Variants in NLRC5 observed in about 807,000 individuals in gnomAD.
NLRC5 encodes the protein protein NLRC5.
A neutral mutation model predicts 206.9 loss-of-function variants in NLRC5; 114 were observed. The ratio of observed to expected loss-of-function variants is 0.55; its 90% CI spans 0.47 to 0.64. The LOEUF (loss-of-function observed/expected upper bound fraction) is 0.64, where lower values mean the gene tolerates loss of function less well. NLRC5 is among the 30% of genes least tolerant of loss of function. The pLI is 0.00. For synonymous variants in NLRC5, 952 were observed against 962.8 expected, an observed-to-expected ratio of 0.99 and a Z score of 0.21; for missense variants, 2,008 against 2,305.5, an observed-to-expected ratio of 0.87 and a Z score of 2.64.
chr16:57,056,568 C>T (rs1348609129), intron 27 of NLRC5, among the ~76,000 whole-genome samples: 2 of 152,186 alleles, frequency 1.3e-5, no homozygotes, highest in Non-Finnish European at 2.9e-5. Context: ...CAGGCATGAG[C>T]CGCTGTGCTT....
At position 57,022,379 on chromosome 16, in the gene NLRC5, C is replaced by T; in HGVS notation, c.355+64C>T. 6 of 1,401,690 alleles carry T rather than the reference C, an allele frequency of 4.3e-6. No individual in the cohort carries two copies. In the South Asian group the frequency reaches 7.1e-5, roughly 17 times the overall value. 86.8% of individuals were successfully genotyped at this position (1,401,690 alleles called of 1,614,324 possible). A position where few individuals can be genotyped will look rare whatever the true frequency, so the allele number is the denominator to read the frequency against. On this transcript the variant is annotated intron_variant, in intron 4 of 48. Transcript: ENST00000688547. ...GCACTGTGAAGTCCCCACTTCCAAG[C>T]TGGAGGAGGCTGTGGAGGCTGTGGT...
chr16:57,077,179 G>C lies in NLRC5; in HGVS notation c.4836-117G>C, dbSNP rs1219465747. ...CTGTCACTCAACATGGGGTGATGGG[G>C]CTCTCTGTGTGAGTCGAGGCCCTTC... On this transcript the variant is annotated intron_variant, in intron 40 of 48. Transcript: ENST00000688547. The C allele has an allele frequency of 4.6e-6, 4 of 879,084 alleles. No individual in the cohort carries two copies. In the African/African-American group the frequency reaches 6.6e-5, roughly 15 times the overall value. 54.5% of individuals were successfully genotyped at this position (879,084 alleles called of 1,614,324 possible). A position where few individuals can be genotyped will look rare whatever the true frequency, so the allele number is the denominator to read the frequency against.
chr16:57,058,934 T>G (rs780661812), intron 28 of NLRC5, 38 bp from the exon 29 acceptor site: 1 of 1,573,016 alleles, frequency 6.4e-7, no homozygotes, highest in South Asian at 1.1e-5. Context: ...AAGGAGGTCC[T>G]GCCCTCACTC....
intron 27 of NLRC5, 27 bp downstream of exon 27, chr16:57,055,546 G>A: frequency 6.3e-7 from 1 of 1,590,812 alleles, no homozygotes; most frequent in Non-Finnish European, 8.6e-7. Flanking sequence ...GGAGGAAGGA[G>A]AGGAGCATGG....
chr16:57,013,586 TCAA>T, intron 1 of NLRC5: 2 of 1,112,686 alleles, frequency 1.8e-6, no homozygotes, highest in South Asian at 2.5e-5. Context: ...CCAAAGTTTC[TCAA>T]CAAGTTGATT....
intron 27 of NLRC5, among the ~76,000 whole-genome samples, chr16:57,056,668 C>CT (rs1203526042): frequency 1.1e-4 from 17 of 148,452 alleles, no homozygotes; most frequent in Middle Eastern, 3.5e-3. Context: ...TTCTTTCTTT[C>CT]TTTTTTTTTA....
intron 27 of NLRC5, among the ~76,000 whole-genome samples, chr16:57,056,750 C>A (rs2065722510): frequency 6.6e-6 from 1 of 151,934 alleles, no homozygotes; most frequent in Non-Finnish European, 1.5e-5. Context: ...CTTCCGCCTC[C>A]CAGGTTCAAG....
Position 57,067,406 on chromosome 16 carries a change from G to T in NLRC5, c.4342G>T (p.Gly1448Ter). ...GTCCAGGTTGGCTCACTGTGACCTTGGAGCCCACCACAGCCTTCTTGTCGG... is the reference window on the plus strand; with the variant it reads ...GTCCAGGTTGGCTCACTGTGACCTTTGAGCCCACCACAGCCTTCTTGTCGG... ...VALRLAHCDLGAHHSLLVGQL... is the reference protein window; with the variant it reads ...VALRLAHCDL Residue 1448 changes from glycine (G) to a stop codon, truncating the protein, a stop_gained, in exon 35 of 49, where the codon GGA becomes TGA. Coordinates refer to ENST00000688547, the MANE Select transcript of NLRC5 (RefSeq NM_001384950.1). LOFTEE classifies it high-confidence loss of function. The T allele has an allele frequency of 6.2e-7, 1 of 1,614,220 alleles. No homozygotes were observed. Among genetic ancestry groups the T allele is most frequent in the Non-Finnish European group, 8.5e-7 (1 of 1,180,028 alleles).
chr16:57,038,087 C>T (rs2062827628), intron 15 of NLRC5, among the ~76,000 whole-genome samples: 1 of 151,908 alleles, frequency 6.6e-6, no homozygotes, highest in South Asian at 2.1e-4. Context: ...GGGATGTTCA[C>T]CTCAGTATTG....
At chr16:57,060,484 A>G (rs1166025074) in intron 30 of NLRC5, among the ~76,000 whole-genome samples, 4 of 151,224 alleles carry the variant, frequency 2.6e-5, no homozygotes, top group African/African-American at 9.7e-5. Flanking sequence ...CAACACACAA[A>G]CGCACCACAT....
intron 3 of NLRC5, 30 bp downstream of exon 3, chr16:57,021,037 G>T: frequency 6.2e-7 from 1 of 1,604,162 alleles, no homozygotes; most frequent in Non-Finnish European, 8.5e-7. Context: ...ACGCAAAGCA[G>T]CCGGGCCAGT....
intron 1 of NLRC5, among the ~76,000 whole-genome samples, chr16:57,007,443 C>T (rs2059035829): frequency 6.6e-6 from 1 of 152,052 alleles, no homozygotes; most frequent in Non-Finnish European, 1.5e-5. Flanking sequence ...GTCATTGGGG[C>T]CAGGGGTGGT....
chr16:57,067,882 C>A, intron 36 of NLRC5, 54 bp downstream of exon 36: 1 of 1,363,294 alleles, frequency 7.3e-7, no homozygotes, highest in Non-Finnish European at 1.1e-6. Context: ...CCTGCCCTGA[C>A]ACCTCCCGTT....
At chr16:57,080,906 A>T (rs889536963) in intron 46 of NLRC5, 192 bp from the exon 47 acceptor site, 12 of 548,326 alleles carry the variant, frequency 2.2e-5, no homozygotes, top group African/African-American at 1.9e-4. Flanking sequence ...CTTGACGGGG[A>T]GGGGAGCAGG....
At chr16:57,001,559 CACTAGTGG>C (rs1205557731) in intron 1 of NLRC5, among the ~76,000 whole-genome samples, 14 of 152,220 alleles carry the variant, frequency 9.2e-5, no homozygotes, top group Admixed American at 3.3e-4. Flanking sequence ...ACGACAACCA[CACTAGTGG>C]TAATCATAGC....
In NLRC5 at chr16:57,026,731, G is replaced by A. The variant is rs1343373003; in HGVS notation, c.1788G>A (p.Val596=). Residue 596 remains valine (V), a synonymous_variant, in exon 6 of 49, where the codon GTG becomes GTA. Transcript: ENST00000688547. ...TGGGTGCCAAGCAGGCTGCTGTAGT[G>A]CAGGTGTTGAAGAAGTTGGCCACCC... ...DCVGAKQAAV[V]QVLKKLATRK... is the part of the protein sequence containing the mutation. The A allele has an allele frequency of 1.2e-6, 2 of 1,614,052 alleles. No homozygotes were observed. Among genetic ancestry groups the A allele is most frequent in the East Asian group, 2.2e-5 (1 of 44,884 alleles).
chr16:57,031,438 A>G lies in NLRC5; in HGVS notation c.2452A>G (p.Thr818Ala), dbSNP rs759826515. Reference protein sequence around the residue: ...ADLIFLLSPPTETTAELQRAP... With the variant: ...ADLIFLLSPPAETTAELQRAP... ...CCTCATCTTCCTTCTTTCCCCGCCC[A>G]CAGAGACAACTGCAGAGCTACAAAG... The change falls in exon 11 of 49, where the codon ACA (threonine) becomes GCA (alanine). Residue 818 changes from threonine (T) to alanine (A), a missense_variant. Physicochemically the swap from Thr to Ala is moderately conservative, Grantham distance 58 (BLOSUM62 0). Transcript: ENST00000688547. 15 of 1,613,862 alleles carry G rather than the reference A, an allele frequency of 9.3e-6. No individual in the cohort carries two copies. The highest frequency in any genetic ancestry group is 5.0e-5 in the Admixed American group (3 of 59,996).
At chr16:56,999,365 A>T (rs1376209632) in intron 1 of NLRC5, among the ~76,000 whole-genome samples, 1 of 152,234 alleles carries the variant, frequency 6.6e-6, no homozygotes, top group Admixed American at 6.5e-5. Flanking sequence ...GCGCAGTAAG[A>T]TCTAGAAGTC....
intron 9 of NLRC5, 53 bp downstream of exon 9, chr16:57,029,909 C>T: frequency 6.2e-7 from 1 of 1,606,290 alleles, no homozygotes; most frequent in Non-Finnish European, 8.5e-7. Context: ...ATACCTGATT[C>T]ACCCCACTCC....
Sources: gnomAD v4.1 joint callset for allele counts (sites outside exome capture counted in the v4.1 genomes callset) on GRCh38, gnomAD v4.1.1 for gene constraint, MANE v1.5 for transcripts, NCBI Gene and HGNC (gene_info 2026-07-23, HGNC 2026-07-21) for gene names.